Variants in LRRC75A observed in about 807,000 individuals in gnomAD.
The protein encoded by LRRC75A is leucine-rich repeat-containing protein 75A.
Under a neutral mutation model 26.0 loss-of-function variants are expected in LRRC75A, and 12 were observed. That is an observed-to-expected ratio of 0.46 (90% CI 0.30 to 0.75). LRRC75A has a LOEUF of 0.75. Ranked by LOEUF, LRRC75A falls within the 30% of genes least tolerant of loss-of-function variation. The pLI is 0.08. For synonymous variants in LRRC75A, 223 were observed against 219.3 expected (o/e 1.02, Z -0.15); for missense variants, 410 against 486.6 (o/e 0.84, Z 1.48).
At chr17:16,485,034 G>T (rs2093843145) in intron 1 of LRRC75A, among the ~76,000 whole-genome samples, 1 of 151,890 alleles carries the variant, frequency 6.6e-6, no homozygotes, top group Non-Finnish European at 1.5e-5. Flanking sequence ...CCGGGTGGGG[G>T]TAGGGAGGAG....
intron 1 of LRRC75A, chr17:16,463,754 TA>T (rs1350376652): frequency 6.6e-6 from 1 of 152,282 alleles, no homozygotes; most frequent in East Asian, 1.9e-4. Context: ...GACATCATCA[TA>T]TATTCTCTAC....
At chr17:16,476,732 ATTTTTTT>A (rs1170298700) in intron 1 of LRRC75A, among the ~76,000 whole-genome samples, 1 of 75,512 alleles carries the variant, frequency 1.3e-5, no homozygotes, top group Non-Finnish European at 2.3e-5. Context: ...TGCCTGGCTG[ATTTTTTT>A]TTTTTTTTTT....
chr17:16,484,362 A>T (rs1380884523), intron 1 of LRRC75A, among the ~76,000 whole-genome samples: 1 of 133,270 alleles, frequency 7.5e-6, no homozygotes, highest in African/African-American at 3.0e-5. Flanking sequence ...CAAACAAACA[A>T]AAAACAAAAA....
chr17:16,463,544 C>T (rs7224408), intron 1 of LRRC75A, among the ~76,000 whole-genome samples: 2,829 of 152,296 alleles, frequency 0.019, 86 homozygotes, highest in African/African-American at 0.064. Context: ...TCTGGGGGCT[C>T]CCACAGCTGC....
intron 1 of LRRC75A, among the ~76,000 whole-genome samples, chr17:16,476,872 G>A (rs2093821351): frequency 6.6e-6 from 1 of 151,616 alleles, no homozygotes; most frequent in African/African-American, 2.4e-5. Context: ...CCAAGTAGCT[G>A]GGACCACAGG....
intron 1 of LRRC75A, among the ~76,000 whole-genome samples, chr17:16,466,967 T>TCTGGC (rs757520083): frequency 1.6e-3 from 241 of 152,258 alleles, no homozygotes; most frequent in Non-Finnish European, 3.0e-3. Flanking sequence ...ATTTTCTTCA[T>TCTGGC]AGATGTCAAT....
At position 16,462,522 on chromosome 17, in the gene LRRC75A, T is replaced by G; in HGVS notation, c.247-136A>C. 5.2e-6 allele frequency: 6 copies of G among 1,155,624 alleles called. No individual in the cohort carries two copies. Among genetic ancestry groups the G allele is most frequent in the South Asian group, 1.5e-5 (1 of 65,492 alleles). 71.6% of individuals were successfully genotyped at this position (1,155,624 alleles called of 1,614,324 possible). A position where few individuals can be genotyped will look rare whatever the true frequency, so the allele number is the denominator to read the frequency against. ...CCCCGGTGGGGAGCATCTGCAGAAC[T>G]TCCCTCAGGGGCTGGGGCAGGCCTC... On this transcript the variant is annotated intron_variant, in intron 1 of 3. Transcript: ENST00000470794. The surrounding 1 kb of genome is among the most constrained non-coding windows in gnomAD (Gnocchi z 4.6).
At chr17:16,479,393 C>T (rs2093828332) in intron 1 of LRRC75A, among the ~76,000 whole-genome samples, 1 of 152,230 alleles carries the variant, frequency 6.6e-6, no homozygotes, top group Non-Finnish European at 1.5e-5. Context: ...TTAAAGGCCT[C>T]AGCTGATACT....
chr17:16,468,925 C>G (rs1160725757), intron 1 of LRRC75A, among the ~76,000 whole-genome samples: 2 of 152,134 alleles, frequency 1.3e-5, no homozygotes, highest in African/African-American at 2.4e-5. Flanking sequence ...TAGGAGGGGG[C>G]AGGGGAGGGT....
At chr17:16,473,671 T>C (rs987494505) in intron 1 of LRRC75A, among the ~76,000 whole-genome samples, 8 of 152,146 alleles carry the variant, frequency 5.3e-5, no homozygotes, top group Admixed American at 1.3e-4. Flanking sequence ...GCCCAGCCTG[T>C]CTGAGGGATG....
chr17:16,446,040 C>A, intron 3 of LRRC75A, among the ~76,000 whole-genome samples: 1 of 152,218 alleles, frequency 6.6e-6, no homozygotes, highest in Middle Eastern at 3.2e-3. Context: ...TTCTGAGTAG[C>A]TGGGATTACA....
Position 16,443,923 on chromosome 17 carries a change from T to G in LRRC75A, c.700A>C (p.Thr234Pro). The part of the protein sequence containing the change: ...PALSTLPRLT[T>P]LALNGNRLTR... ...AACCGGTTGCCATTGAGTGCCAGTG[T>G]GGTGAGGCGGGGCAGGGTGCTGAGT... The change falls in exon 4 of 4, where the codon ACA becomes CCA. Residue 234 changes from threonine to proline, a missense_variant. Thr to Pro is a conservative substitution (Grantham distance 38). Coordinates refer to ENST00000470794, the MANE Select transcript of LRRC75A (RefSeq NM_001113567.3). 1 of 1,613,628 alleles carries G rather than the reference T, an allele frequency of 6.2e-7. No homozygotes were observed. The highest frequency in any genetic ancestry group is 8.5e-7 in the Non-Finnish European group (1 of 1,179,764).
At chr17:16,481,874 C>T (rs1020210377) in intron 1 of LRRC75A, among the ~76,000 whole-genome samples, 1 of 152,176 alleles carries the variant, frequency 6.6e-6, no homozygotes, top group African/African-American at 2.4e-5. Flanking sequence ...GGAGCACCTG[C>T]AGCTCCTGTT....
Position 16,487,028 on chromosome 17 carries a change from C to T in LRRC75A, c.246+4717G>A, listed in dbSNP as rs747497418. On this transcript the variant is annotated intron_variant, in intron 1 of 3. Coordinates refer to ENST00000470794, the MANE Select transcript of LRRC75A (RefSeq NM_001113567.3). ...GATAACAGTGGTGGTGGTGGGTCTC[C>T]GCCCTCAGGAAGCACTTGACCTTAT... Among the ~76,000 whole-genome samples, 6 of 152,292 alleles carry T rather than the reference C, an allele frequency of 3.9e-5. No homozygotes were observed. In the South Asian group the frequency reaches 1.0e-3, roughly 26 times the overall value.
chr17:16,490,760 G>A (rs556113066), intron 1 of LRRC75A, among the ~76,000 whole-genome samples: 30 of 152,240 alleles, frequency 2.0e-4, no homozygotes, highest in African/African-American at 6.0e-4. Flanking sequence ...TGCCATCCAC[G>A]GTAGACTCCA....
rs752235938 is a variant in LRRC75A, at chr17:16,462,239, C to T, written c.375+19G>A. 1.5e-5 allele frequency: 24 copies of T among 1,613,588 alleles called. No individual in the cohort carries two copies. Among genetic ancestry groups the T allele is most frequent in the Middle Eastern group, 3.3e-4 (2 of 6,082 alleles). On this transcript the variant is annotated intron_variant, in intron 2 of 3. Coordinates refer to ENST00000470794, the MANE Select transcript of LRRC75A (RefSeq NM_001113567.3). This position sits in a 1 kb window ranked among gnomAD's most constrained non-coding sequence, Gnocchi z 4.6. Reference sequence around the variant, plus strand: ...CGCACACCCCGGGACCTGGCTGGCTCGGACCACAGCCACCCTACCGGCTTG... The same window carrying T: ...CGCACACCCCGGGACCTGGCTGGCTTGGACCACAGCCACCCTACCGGCTTG...
At chr17:16,483,757 G>A (rs977779436) in intron 1 of LRRC75A, among the ~76,000 whole-genome samples, 2 of 152,126 alleles carry the variant, frequency 1.3e-5, no homozygotes, top group Non-Finnish European at 2.9e-5. Flanking sequence ...GCCACGCTGC[G>A]CACCTGTACT....
intron 3 of LRRC75A, among the ~76,000 whole-genome samples, chr17:16,444,340 T>G (rs1471302066): frequency 1.3e-5 from 2 of 152,250 alleles, no homozygotes; most frequent in Non-Finnish European, 2.9e-5. Flanking sequence ...AGGGCCCAGC[T>G]GGCCGTAGCC....
At chr17:16,461,487 G>A (rs760641529) in intron 2 of LRRC75A, among the ~76,000 whole-genome samples, 3 of 152,244 alleles carry the variant, frequency 2.0e-5, no homozygotes, top group Non-Finnish European at 2.9e-5. Context: ...ATAGCCCTGG[G>A]GGAGCCTAGA....
Sources: allele counts gnomAD v4.1 joint callset (sites outside exome capture counted in the v4.1 genomes callset), GRCh38; gene constraint gnomAD v4.1.1; non-coding constraint Gnocchi (gnomAD v3.1); transcripts MANE v1.5; gene names NCBI Gene and HGNC (gene_info 2026-07-23, HGNC 2026-07-21).